Variants in SPIN1 observed in about 807,000 individuals in gnomAD.
SPIN1 encodes the protein spindlin-1.
In SPIN1, 3 loss-of-function variants were observed where a neutral mutation model predicts 26.0. That is an observed-to-expected ratio of 0.12 (90% CI 0.05 to 0.30). The LOEUF is 0.30. Among genes scored for constraint, SPIN1 ranks in the 10% least tolerant of loss-of-function variants. SPIN1 has a pLI of 1.00. For synonymous variants in SPIN1, 101 were observed against 116.5 expected (o/e 0.87, Z 0.86); for missense variants, 126 against 333.4 (o/e 0.38, Z 4.84).
chr9:88,404,486 C>T (rs1215966771), intron 1 of SPIN1, among the ~76,000 whole-genome samples: 3 of 151,772 alleles, frequency 2.0e-5, no homozygotes, highest in African/African-American at 7.2e-5. Flanking sequence ...AATTTCTTGA[C>T]TCTTATAGTA....
chr9:88,414,730 G>T (rs1211675516), intron 1 of SPIN1, among the ~76,000 whole-genome samples: 4 of 152,162 alleles, frequency 2.6e-5, no homozygotes, highest in African/African-American at 9.7e-5. Flanking sequence ...TAATACTGTG[G>T]TTTGTTGCAC....
At chr9:88,435,338 C>CTT (rs1289171437) in intron 2 of SPIN1, among the ~76,000 whole-genome samples, 3 of 151,960 alleles carry the variant, frequency 2.0e-5, no homozygotes, top group Non-Finnish European at 2.9e-5. Context: ...ACCTCAGCCT[C>CTT]TAAGTCGCTG....
chr9:88,395,166 A>C (rs878873386), intron 1 of SPIN1, among the ~76,000 whole-genome samples: 1 of 152,028 alleles, frequency 6.6e-6, no homozygotes, highest in Non-Finnish European at 1.5e-5. Context: ...TAGTTAAAAA[A>C]TCTGATCTGT....
chr9:88,427,602 CTCT>C (rs1289226803), intron 2 of SPIN1, among the ~76,000 whole-genome samples: 2 of 151,514 alleles, frequency 1.3e-5, no homozygotes, highest in East Asian at 1.9e-4. Flanking sequence ...TTCTTTTTCT[CTCT>C]TTTTTTTCTT....
At chr9:88,417,181 G>C (rs1408676220) in intron 1 of SPIN1, among the ~76,000 whole-genome samples, 1 of 152,056 alleles carries the variant, frequency 6.6e-6, no homozygotes, top group Non-Finnish European at 1.5e-5. Flanking sequence ...TTAGATTTTA[G>C]CTATATGTTT....
chr9:88,444,569 G>C (rs921804267), intron 2 of SPIN1, among the ~76,000 whole-genome samples: 1 of 151,252 alleles, frequency 6.6e-6, no homozygotes, highest in African/African-American at 2.4e-5. Context: ...AATATCTTCA[G>C]TTTCCTTGGA....
At chr9:88,430,929 C>A (rs1384673196) in intron 2 of SPIN1, among the ~76,000 whole-genome samples, 1 of 145,678 alleles carries the variant, frequency 6.9e-6, no homozygotes, top group Non-Finnish European at 1.5e-5. Flanking sequence ...GTTGCCCAGG[C>A]TGGAGTGCAA....
intron 1 of SPIN1, among the ~76,000 whole-genome samples, chr9:88,419,665 T>G (rs1029716227): frequency 3.9e-5 from 6 of 152,280 alleles, no homozygotes; most frequent in East Asian, 3.9e-4. Flanking sequence ...TGAACTGAAA[T>G]AAAAGTTCAA....
In SPIN1 at chr9:88,449,424, C is replaced by T. The variant is rs374079454; in HGVS notation, c.101+435C>T. The stretch of plus-strand genomic sequence containing the variant: ...CCTGCCTAGCATGGTGTCACATGCT[C>T]ACTGTTTTATAGCATTTTTAAATGA... On this transcript the variant is annotated intron_variant, in intron 3 of 5. Transcript: ENST00000375859. Among the ~76,000 whole-genome samples the T allele has an allele frequency of 3.6e-4, 55 of 152,160 alleles. 1 individual carries two copies. The South Asian group carries it at 0.011, about 30-fold the overall frequency.
intron 1 of SPIN1, among the ~76,000 whole-genome samples, chr9:88,392,662 A>G (rs1483491337): frequency 2.0e-5 from 3 of 150,224 alleles, no homozygotes; most frequent in Non-Finnish European, 4.4e-5. Context: ...CTACCTATCT[A>G]CCTAGCTACT....
rs772881438 is a variant in SPIN1, at chr9:88,394,724, ATTATG to A, written c.-159+6191_-159+6195del. On this transcript the variant is annotated intron_variant, in intron 1 of 5. Transcript: ENST00000375859. ...AGGCCATTTGAAAAGATTTTCTCTG[ATTATG>A]TTATATGTTTGATAATTAATTTGGG... is the stretch of plus-strand genomic sequence containing the variant. Among the ~76,000 whole-genome samples the A allele has an allele frequency of 8.6e-5, 13 of 151,860 alleles. No individual in the cohort carries two copies. In the East Asian group the frequency reaches 1.4e-3, roughly 16 times the overall value.
At position 88,399,117 on chromosome 9, in the gene SPIN1, C is replaced by T. The variant is rs573884493; in HGVS notation, c.-159+10579C>T. On this transcript the variant is annotated intron_variant, in intron 1 of 5. Transcript: ENST00000375859. ...CACAATCTTGGCTCACTGCAACCTC[C>T]GCCTCCTGGGTTCAAGCGATTCTCC... is the stretch of plus-strand genomic sequence containing the variant. Among the ~76,000 whole-genome samples the T allele has an allele frequency of 1.3e-4, 20 of 151,202 alleles. 1 individual carries two copies. In the South Asian group the frequency reaches 3.3e-3, roughly 25 times the overall value.
At chr9:88,471,565 G>A (rs1828785846) in intron 5 of SPIN1, among the ~76,000 whole-genome samples, 1 of 133,868 alleles carries the variant, frequency 7.5e-6, no homozygotes, top group Non-Finnish European at 1.5e-5. Flanking sequence ...TGAGGCAGGA[G>A]AATCGCTTGA....
At chr9:88,399,666 G>T (rs1377533227) in intron 1 of SPIN1, among the ~76,000 whole-genome samples, 6 of 152,180 alleles carry the variant, frequency 3.9e-5, no homozygotes, top group Admixed American at 6.5e-5. Flanking sequence ...CAGCAACAGT[G>T]TGTGCAAGCT....
chr9:88,388,698 C>T (rs1290859361), intron 1 of SPIN1, among the ~76,000 whole-genome samples, 160 bp downstream of exon 1: 1 of 148,346 alleles, frequency 6.7e-6, no homozygotes, highest in African/African-American at 2.4e-5. Context: ...CCCCTGCCGG[C>T]TGGGCCGCGG....
In SPIN1 at chr9:88,400,737, C is replaced by T. The variant is rs1020393495; in HGVS notation, c.-159+12199C>T. ...GGCCCATGCCTTAATCCCAGCTACT[C>T]GGCAGGCTGAGGCAGGAGAATCGCT... On this transcript the variant is annotated intron_variant, in intron 1 of 5. Coordinates refer to ENST00000375859, the MANE Select transcript of SPIN1 (RefSeq NM_006717.3). Among the ~76,000 whole-genome samples, 16 of 151,936 alleles carry T rather than the reference C, an allele frequency of 1.1e-4. No individual in the cohort carries two copies. In the East Asian group the frequency reaches 1.4e-3, roughly 13 times the overall value.
rs1828918491 is a variant in SPIN1 at position 88,478,005 on chromosome 9, ATTTGT to A, written c.*2732_*2736del. On this transcript the variant is annotated 3_prime_UTR_variant, in exon 6 of 6. Coordinates refer to ENST00000375859, the MANE Select transcript of SPIN1 (RefSeq NM_006717.3). ...AGGTTTTTTTGTTTTCTTTATTTTT[ATTTGT>A]TTTCAGTTTCCTGTATATTTGCTTA... The A allele has an allele frequency of 6.6e-6, 1 of 151,974 alleles. No homozygotes were observed. Among genetic ancestry groups the A allele is most frequent in the Admixed American group, 6.6e-5 (1 of 15,258 alleles). The allele number at this position is 151,974 out of a possible 1,614,324, so 9.4% of individuals were successfully genotyped here. A position where few individuals can be genotyped will look rare whatever the true frequency, so the allele number is the denominator to read the frequency against.
intron 2 of SPIN1, among the ~76,000 whole-genome samples, chr9:88,434,657 T>G (rs183591773): frequency 2.0e-5 from 3 of 152,230 alleles, no homozygotes; most frequent in South Asian, 2.1e-4. Flanking sequence ...TCCTCATTGT[T>G]TTTTTACAGA....
intron 1 of SPIN1, among the ~76,000 whole-genome samples, chr9:88,397,584 A>C (rs1827094703): frequency 6.6e-6 from 1 of 151,168 alleles, no homozygotes; most frequent in African/African-American, 2.4e-5. Flanking sequence ...ATTGGACTGT[A>C]CTGATATTCA....
Sources: gnomAD v4.1 joint callset for allele counts (sites outside exome capture counted in the v4.1 genomes callset) on GRCh38, gnomAD v4.1.1 for gene constraint, MANE v1.5 for transcripts, NCBI Gene and HGNC (gene_info 2026-07-23, HGNC 2026-07-21) for gene names.